The following VPS13C variants were observed in gnomAD, a reference collection of about 807,000 sequenced individuals.
VPS13C encodes intermembrane lipid transfer protein VPS13C.
VPS13C carries 358 observed loss-of-function variants against 456.8 expected under a neutral mutation model. The observed-to-expected ratio is 0.78, with a 90% confidence interval of 0.72 to 0.86. The LOEUF (loss-of-function observed/expected upper bound fraction) is 0.86, where lower values mean the gene tolerates loss of function less well. Ranked by LOEUF, VPS13C falls within the 40% of genes least tolerant of loss-of-function variation. The pLI is 0.00. For synonymous variants in VPS13C, 1,578 were observed against 1,486.7 expected, an observed-to-expected ratio of 1.06 and a Z score of -1.41; for missense variants, 4,818 against 4,385.4, an observed-to-expected ratio of 1.10 and a Z score of -2.79.
intron 1 of VPS13C, among the ~76,000 whole-genome samples, chr15:62,052,466 G>T (rs968710017): frequency 6.6e-6 from 1 of 151,956 alleles, no homozygotes; most frequent in African/African-American, 2.4e-5. Context: ...ACAAGGTCAG[G>T]AGATCAAGAC....
intron 82 of VPS13C, among the ~76,000 whole-genome samples, chr15:61,863,224 TCA>T (rs1404946899): frequency 1.3e-5 from 2 of 152,068 alleles, no homozygotes; most frequent in Non-Finnish European, 2.9e-5. Flanking sequence ...ACACTGAGTC[TCA>T]GTTTCAGCAT....
chr15:62,004,499 A>T (rs4410023), intron 15 of VPS13C, among the ~76,000 whole-genome samples: 26 of 144,320 alleles, frequency 1.8e-4, no homozygotes, highest in African/African-American at 6.7e-4. Context: ...TTTTTGAAGG[A>T]TTTTTTGTGT....
At chr15:62,000,443 C>T in intron 16 of VPS13C, 121 bp downstream of exon 16, 1 of 878,002 alleles carries the variant, frequency 1.1e-6, no homozygotes, top group South Asian at 1.9e-5. Context: ...AGTTTCTTTT[C>T]TCCTGAGACT....
intron 24 of VPS13C, among the ~76,000 whole-genome samples, chr15:61,975,574 A>T (rs1424947488): frequency 6.6e-6 from 1 of 152,156 alleles, no homozygotes; most frequent in Non-Finnish European, 1.5e-5. Context: ...GAACATACAG[A>T]TCATACAGAA....
At chr15:61,944,419 G>A (rs1381475364) in intron 45 of VPS13C, among the ~76,000 whole-genome samples, 2 of 152,084 alleles carry the variant, frequency 1.3e-5, no homozygotes, top group East Asian at 1.9e-4. Context: ...TAAAGGAAAC[G>A]TGGCACATAT....
chr15:62,042,407 G>A (rs554835808), intron 2 of VPS13C, among the ~76,000 whole-genome samples: 2 of 152,018 alleles, frequency 1.3e-5, no homozygotes, highest in African/African-American at 4.8e-5. Context: ...CAAAATGTAG[G>A]TAATAATTAA....
chr15:61,991,078 C>T lies in VPS13C; in HGVS notation c.1500G>A (p.Met500Ile). ...AGAGTTTATCTTTTTCCTCTGGAGTCATAAGGTCATCAATAGCTATGAAAA... is the reference window on the plus strand; with the variant it reads ...AGAGTTTATCTTTTTCCTCTGGAGTTATAAGGTCATCAATAGCTATGAAAA... ...SLIPETIDDL[M>I]TPEEKDKLFT... Residue 500 changes from methionine to isoleucine, a missense_variant, in exon 18 of 85, where the codon ATG (methionine) becomes ATA (isoleucine). Around this residue, in one of 3 missense-constraint regions of VPS13C, gnomAD observed 4,552 missense variants for 4,130.6 expected, o/e 1.10. Transcript: ENST00000644861. The T allele has an allele frequency of 1.9e-6, 3 of 1,609,152 alleles. No homozygotes were observed. Among genetic ancestry groups the T allele is most frequent in the Non-Finnish European group, 2.5e-6 (3 of 1,178,534 alleles).
chr15:61,856,468 C>T, intron 82 of VPS13C, 59 bp from the exon 83 acceptor site: 1 of 1,593,148 alleles, frequency 6.3e-7, no homozygotes. Context: ...TTATTCTTGC[C>T]AATATTTCAC....
At chr15:61,923,601 C>T (rs181234635) in intron 53 of VPS13C, among the ~76,000 whole-genome samples, 43 of 151,984 alleles carry the variant, frequency 2.8e-4, no homozygotes, top group African/African-American at 9.4e-4. Context: ...ACCAGCTAGC[C>T]AGGATTCTCC....
At chr15:61,894,526 G>T (rs2042746156) in intron 66 of VPS13C, among the ~76,000 whole-genome samples, 1 of 151,778 alleles carries the variant, frequency 6.6e-6, no homozygotes, top group African/African-American at 2.4e-5. Flanking sequence ...GAACGTGAAG[G>T]GATAGAAGAA....
chr15:61,859,008 T>C (rs1214156310), intron 82 of VPS13C, among the ~76,000 whole-genome samples: 1 of 151,742 alleles, frequency 6.6e-6, no homozygotes, highest in Non-Finnish European at 1.5e-5. Context: ...TTCTGTGGGG[T>C]AGAAAAAAAG....
intron 3 of VPS13C, among the ~76,000 whole-genome samples, chr15:62,036,765 T>C (rs1308063817): frequency 2.0e-5 from 3 of 151,958 alleles, no homozygotes; most frequent in Admixed American, 2.0e-4. Context: ...CCCCAATCTC[T>C]CAGAAAGGTC....
Position 62,055,800 on chromosome 15 carries a change from A to G in VPS13C, c.100+4475T>C, listed in dbSNP as rs188955261. 2.0e-5 allele frequency among the ~76,000 whole-genome samples: 3 copies of G among 152,100 alleles called. No individual in the cohort carries two copies. The East Asian group carries it at 5.8e-4, about 29-fold the overall frequency. The stretch of plus-strand genomic sequence containing the variant: ...TCCGTGTCCTTTTTAAAACCTTACA[A>G]TTTTTTCAGCACCCAGTAGGTCCCT... On this transcript the variant is annotated intron_variant, in intron 1 of 84. Coordinates refer to ENST00000644861, the MANE Select transcript of VPS13C (RefSeq NM_020821.3).
At chr15:62,028,511 A>G in intron 5 of VPS13C, 91 bp from the exon 6 acceptor site, 1 of 1,254,170 alleles carries the variant, frequency 8.0e-7, no homozygotes. Flanking sequence ...ATTTAATTTC[A>G]TATAATTAGA....
intron 15 of VPS13C, 128 bp from the exon 16 acceptor site, chr15:62,000,754 A>T: frequency 1.5e-6 from 1 of 651,612 alleles, no homozygotes; most frequent in South Asian, 3.0e-5. Flanking sequence ...TATTAGTATA[A>T]ATTTGAATGT....
chr15:61,880,507 A>T lies in VPS13C; in HGVS notation c.10002+102T>A, dbSNP rs2140902248. On this transcript the variant is annotated intron_variant, in intron 73 of 84. Transcript: ENST00000644861. ...CGATTAATCAAACAAAATTCCCACC[A>T]AATACATGATGCAACAAATTAAAAC... The T allele has an allele frequency of 1.4e-5, 10 of 703,964 alleles. No homozygotes were observed. The South Asian group carries it at 2.2e-4, about 16-fold the overall frequency. The allele number at this position is 703,964 out of a possible 1,614,324, so 43.6% of individuals were successfully genotyped here.
chr15:61,867,251 C>T lies in VPS13C; in HGVS notation c.10863+1408G>A, dbSNP rs1894658904. The T allele has an allele frequency of 1.0e-6, 1 of 983,496 alleles. No individual in the cohort carries two copies. 60.9% of individuals were successfully genotyped at this position (983,496 alleles called of 1,614,324 possible). On this transcript the variant is annotated intron_variant, in intron 81 of 84. Transcript: ENST00000644861. This position sits in a 1 kb window ranked among gnomAD's most constrained non-coding sequence, Gnocchi z 5.0. ...ACAAGGAGATTCAATTTTTGAAAAG[C>T]AGAAATGCTAAAGGCTGAAAATGTA...
intron 44 of VPS13C, 120 bp from the exon 45 acceptor site, chr15:61,946,002 AT>A: frequency 1.1e-6 from 1 of 901,828 alleles, no homozygotes; most frequent in Admixed American, 3.2e-5. Context: ...TGAATTCAAC[AT>A]TAAAAATTAT....
intron 47 of VPS13C, among the ~76,000 whole-genome samples, chr15:61,938,957 G>A (rs1326656178): frequency 1.3e-5 from 2 of 152,072 alleles, no homozygotes; most frequent in Non-Finnish European, 2.9e-5. Context: ...TTGAAAATCT[G>A]AAATAATATA....
Sources: allele counts gnomAD v4.1 joint callset (sites outside exome capture counted in the v4.1 genomes callset), GRCh38; gene constraint gnomAD v4.1.1; regional missense constraint gnomAD v4.1.1; non-coding constraint Gnocchi (gnomAD v3.1); transcripts MANE v1.5; gene names NCBI Gene and HGNC (gene_info 2026-07-23, HGNC 2026-07-21).